The following STXBP5L variants were observed in gnomAD, a reference collection of about 807,000 sequenced individuals.
STXBP5L encodes the protein syntaxin-binding protein 5-like.
STXBP5L carries 65 observed loss-of-function variants against 144.5 expected under a neutral mutation model. The ratio of observed to expected loss-of-function variants is 0.45; its 90% CI spans 0.37 to 0.55. The LOEUF is 0.55. Ranked by LOEUF, STXBP5L falls within the 20% of genes least tolerant of loss-of-function variation. The pLI, the probability that STXBP5L is intolerant of heterozygous loss-of-function variation, is 0.00. For synonymous variants in STXBP5L, 505 were observed against 469.6 expected (o/e 1.08, Z -0.97); for missense variants, 1,298 against 1,405.5 (o/e 0.92, Z 1.22).
intron 3 of STXBP5L, among the ~76,000 whole-genome samples, chr3:120,977,913 T>A (rs536990313): frequency 3.3e-5 from 5 of 152,262 alleles, no homozygotes; most frequent in Admixed American, 1.3e-4. Flanking sequence ...CCAAGAGATC[T>A]GCTGTTAGTC....
chr3:121,360,499 G>T (rs2045679480), intron 20 of STXBP5L, among the ~76,000 whole-genome samples: 1 of 151,818 alleles, frequency 6.6e-6, no homozygotes, highest in Non-Finnish European at 1.5e-5. Flanking sequence ...TCTTCCTCAA[G>T]TGAACATGAT....
chr3:120,923,199 A>AT (rs370342369), intron 2 of STXBP5L, among the ~76,000 whole-genome samples: 324 of 150,594 alleles, frequency 2.2e-3, no homozygotes, highest in Non-Finnish European at 3.3e-3. Flanking sequence ...TATGTCTCTA[A>AT]TTTTTTTTGT....
chr3:121,173,781 G>A (rs2046825770), intron 9 of STXBP5L, among the ~76,000 whole-genome samples: 1 of 152,008 alleles, frequency 6.6e-6, no homozygotes, highest in South Asian at 2.1e-4. Flanking sequence ...TGAAATGGTG[G>A]ACAACTGCAG....
intron 3 of STXBP5L, among the ~76,000 whole-genome samples, chr3:120,971,398 C>A (rs1441389181): frequency 1.3e-5 from 2 of 151,848 alleles, no homozygotes; most frequent in Non-Finnish European, 2.9e-5. Flanking sequence ...TTAACTCCAT[C>A]CCACCTTTTG....
At chr3:120,981,964 G>A (rs1441674246) in intron 3 of STXBP5L, among the ~76,000 whole-genome samples, 4 of 152,182 alleles carry the variant, frequency 2.6e-5, no homozygotes, top group Admixed American at 2.6e-4. Flanking sequence ...TAGCCTTTGT[G>A]CAGTGGCTTT....
chr3:121,348,047 G>A lies in STXBP5L; in HGVS notation c.2176+29507G>A, dbSNP rs962934648. ...CCCTGTCTTGTACCAGTTTTCACAG[G>A]GAATGCTTCCAGTTTTTGCCCATTC... On this transcript the variant is annotated intron_variant, in intron 20 of 26. Coordinates refer to ENST00000471454, the MANE Select transcript of STXBP5L (RefSeq NM_001308330.2). Among the ~76,000 whole-genome samples, 7 of 152,028 alleles carry A rather than the reference G, an allele frequency of 4.6e-5. No homozygotes were observed. In the South Asian group the frequency reaches 8.3e-4, roughly 18 times the overall value.
At chr3:120,991,652 T>C (rs1419419532) in intron 3 of STXBP5L, among the ~76,000 whole-genome samples, 2 of 152,102 alleles carry the variant, frequency 1.3e-5, no homozygotes, top group Admixed American at 1.3e-4. Context: ...TGTGCAGCCA[T>C]AAAAAATGAT....
At chr3:121,106,775 G>T (rs1012637104) in intron 5 of STXBP5L, among the ~76,000 whole-genome samples, 3 of 152,060 alleles carry the variant, frequency 2.0e-5, no homozygotes, top group Non-Finnish European at 4.4e-5. Flanking sequence ...GGGATTGCTG[G>T]GTCAAATAGT....
chr3:121,066,981 T>G lies in STXBP5L; in HGVS notation c.470+21446T>G, dbSNP rs542279469. 2.0e-5 allele frequency among the ~76,000 whole-genome samples: 3 copies of G among 152,254 alleles called. No individual in the cohort carries two copies. The South Asian group carries it at 6.2e-4, about 32-fold the overall frequency. ...GAAATTTTTCCTATTCATCTAATTTTTCAAATTTATTAGCCTTAATGGTAG... is the reference window on the plus strand; with the variant it reads ...GAAATTTTTCCTATTCATCTAATTTGTCAAATTTATTAGCCTTAATGGTAG... On this transcript the variant is annotated intron_variant, in intron 5 of 26. Transcript: ENST00000471454.
Position 121,137,017 on chromosome 3 carries a change from G to T in STXBP5L, c.669+15313G>T, listed in dbSNP as rs531860430. On this transcript the variant is annotated intron_variant, in intron 7 of 26. Coordinates refer to ENST00000471454, the MANE Select transcript of STXBP5L (RefSeq NM_001308330.2). Reference sequence around the variant, plus strand: ...CTCCATGTGCTCCTTATAAATGGGAGCTAAACGTTGTGTACACACAGACAC... The same window carrying T: ...CTCCATGTGCTCCTTATAAATGGGATCTAAACGTTGTGTACACACAGACAC... Among the ~76,000 whole-genome samples the T allele has an allele frequency of 2.3e-4, 35 of 152,272 alleles. No individual in the cohort carries two copies. The South Asian group carries it at 7.1e-3, about 31-fold the overall frequency.
intron 11 of STXBP5L, among the ~76,000 whole-genome samples, chr3:121,226,057 A>G (rs915611944): frequency 3.9e-5 from 6 of 152,192 alleles, no homozygotes; most frequent in South Asian, 2.1e-4. Flanking sequence ...CCGTGCCTCA[A>G]AGGGACTTTT....
chr3:121,252,300 A>C (rs1276445858), intron 15 of STXBP5L, among the ~76,000 whole-genome samples: 1 of 151,868 alleles, frequency 6.6e-6, no homozygotes, highest in African/African-American at 2.4e-5. Context: ...TGGGAGGCAG[A>C]GGTTGCAGTG....
intron 17 of STXBP5L, among the ~76,000 whole-genome samples, chr3:121,258,714 A>G (rs142205692): frequency 6.6e-6 from 1 of 152,240 alleles, no homozygotes; most frequent in African/African-American, 2.4e-5. Flanking sequence ...ATGCTTTATA[A>G]CTGATATATA....
At chr3:121,257,789 A>G (rs1559912401) in intron 17 of STXBP5L, among the ~76,000 whole-genome samples, 1 of 152,096 alleles carries the variant, frequency 6.6e-6, no homozygotes, top group African/African-American at 2.4e-5. Context: ...ACTGGGTGTG[A>G]TGGTACACAC....
chr3:121,387,918 G>A (rs1206551938), intron 22 of STXBP5L, among the ~76,000 whole-genome samples: 4 of 152,156 alleles, frequency 2.6e-5, no homozygotes, highest in African/African-American at 7.2e-5. Context: ...CTTTAAAGTA[G>A]TTTTTTCCAA....
chr3:121,013,527 T>C (rs1186016315), intron 3 of STXBP5L, among the ~76,000 whole-genome samples: 1 of 151,938 alleles, frequency 6.6e-6, no homozygotes, highest in Non-Finnish European at 1.5e-5. Context: ...CTTTGCCCAC[T>C]TTCAACGGAG....
chr3:121,017,690 C>T (rs1945237856), intron 3 of STXBP5L, among the ~76,000 whole-genome samples: 1 of 152,124 alleles, frequency 6.6e-6, no homozygotes, highest in African/African-American at 2.4e-5. Flanking sequence ...TCTAAAATAA[C>T]TGAAATACTT....
intron 19 of STXBP5L, among the ~76,000 whole-genome samples, chr3:121,284,425 G>C (rs575800930): frequency 1.4e-4 from 21 of 152,110 alleles, no homozygotes; most frequent in African/African-American, 4.3e-4. Flanking sequence ...CCAGTGTCCA[G>C]GTTTGTACAC....
intron 5 of STXBP5L, among the ~76,000 whole-genome samples, chr3:121,064,258 G>T (rs1248053156): frequency 1.3e-5 from 2 of 152,134 alleles, no homozygotes; most frequent in African/African-American, 4.8e-5. Flanking sequence ...TCCTGGGTGA[G>T]GCAACGCCCC....
Sources: gnomAD v4.1 joint callset for allele counts (sites outside exome capture counted in the v4.1 genomes callset) on GRCh38, gnomAD v4.1.1 for gene constraint, MANE v1.5 for transcripts, NCBI Gene and HGNC (gene_info 2026-07-23, HGNC 2026-07-21) for gene names.